Variants in GRM5 observed in about 807,000 individuals in gnomAD.
The protein encoded by GRM5 is metabotropic glutamate receptor 5.
Under a neutral mutation model 83.1 loss-of-function variants are expected in GRM5, and 19 were observed. That is an observed-to-expected ratio of 0.23 (90% CI 0.16 to 0.34). GRM5 has a LOEUF of 0.34. Ranked by LOEUF, GRM5 falls within the 10% of genes least tolerant of loss-of-function variation. The pLI, the probability that GRM5 is intolerant of heterozygous loss-of-function variation, is 1.00. For missense variants in GRM5, 1,160 were observed against 1,588.3 expected (o/e 0.73, Z 4.58); for synonymous variants, 675 against 633.6 (o/e 1.07, Z -0.98).
intron 2 of GRM5, among the ~76,000 whole-genome samples, chr11:88,988,708 A>C (rs988399695): frequency 3.3e-5 from 5 of 151,768 alleles, no homozygotes; most frequent in Admixed American, 6.6e-5. Context: ...CCAATACTCA[A>C]CATTCTTAAA....
At chr11:88,944,605 C>G (rs1178510120) in intron 2 of GRM5, among the ~76,000 whole-genome samples, 1 of 151,734 alleles carries the variant, frequency 6.6e-6, no homozygotes, top group East Asian at 1.9e-4. Context: ...TACATTAGAT[C>G]TCCAGATAAC....
chr11:88,887,394 C>A (rs1945061017), intron 2 of GRM5, among the ~76,000 whole-genome samples: 2 of 152,080 alleles, frequency 1.3e-5, no homozygotes, highest in South Asian at 4.1e-4. Flanking sequence ...AGGGCTTGCC[C>A]AACTATTATG....
Position 88,840,333 on chromosome 11 carries a change from CT to C in GRM5, c.911+9572del, listed in dbSNP as rs1944174580. On this transcript the variant is annotated intron_variant, in intron 3 of 9. Transcript: ENST00000305447. ...GTCAATTTGCTTTCTGTTACTACTTCTTCAACATCATCTTCCTCCTCATCTG... is the reference window on the plus strand; with the variant it reads ...GTCAATTTGCTTTCTGTTACTACTTCTCAACATCATCTTCCTCCTCATCTG... Among the ~76,000 whole-genome samples, 4 of 152,290 alleles carry C rather than the reference CT, an allele frequency of 2.6e-5. No homozygotes were observed. In the South Asian group the frequency reaches 8.3e-4, roughly 32 times the overall value.
intron 3 of GRM5, among the ~76,000 whole-genome samples, chr11:88,803,312 A>C (rs1276852457): frequency 6.6e-6 from 1 of 152,002 alleles, no homozygotes; most frequent in Non-Finnish European, 1.5e-5. Flanking sequence ...TAACCAAAAC[A>C]GCATGGTACT....
intron 2 of GRM5, among the ~76,000 whole-genome samples, chr11:88,990,511 A>G (rs536878141): frequency 0.024 from 3,620 of 151,590 alleles, 124 homozygotes; most frequent in African/African-American, 0.082. Flanking sequence ...AACTCATTTT[A>G]TGAGGCCAGC....
chr11:88,617,306 C>T (rs1938510189), intron 4 of GRM5, among the ~76,000 whole-genome samples: 1 of 152,146 alleles, frequency 6.6e-6, no homozygotes. Flanking sequence ...CTGGACAGAG[C>T]TGGAGAAGCT....
chr11:88,816,746 C>CAAAAAAAAAAAAA (rs34178436), intron 3 of GRM5, among the ~76,000 whole-genome samples: 1 of 122,428 alleles, frequency 8.2e-6, no homozygotes, highest in African/African-American at 3.2e-5. Flanking sequence ...CAGATTGGTC[C>CAAAAAAAAAAAAA]AAAAAAAAAA....
intron 3 of GRM5, among the ~76,000 whole-genome samples, chr11:88,710,497 A>T (rs967576925): frequency 1.3e-5 from 2 of 152,078 alleles, no homozygotes; most frequent in African/African-American, 4.8e-5. Context: ...TTTTTAAGCA[A>T]GTCACTTAAG....
chr11:88,714,878 C>A (rs761418534), intron 3 of GRM5, among the ~76,000 whole-genome samples: 1 of 151,860 alleles, frequency 6.6e-6, no homozygotes, highest in Non-Finnish European at 1.5e-5. Flanking sequence ...AAAATCAGAG[C>A]CTAGATACAG....
intron 3 of GRM5, among the ~76,000 whole-genome samples, chr11:88,845,604 T>C (rs1381564620): frequency 6.6e-6 from 1 of 151,932 alleles, no homozygotes; most frequent in Non-Finnish European, 1.5e-5. Context: ...CGGCTACTTT[T>C]TTGTATTTTT....
At position 88,513,574 on chromosome 11, in the gene GRM5, C is replaced by A. The variant is rs137968288; in HGVS notation, c.2727-4070G>T. ...CTGCCATGAAAATCACAAAATAATT[C>A]CTTCTTTATAACTCATATCTGTCTT... On this transcript the variant is annotated intron_variant, in intron 9 of 9. Coordinates refer to ENST00000305447, the MANE Select transcript of GRM5 (RefSeq NM_001143831.3). 5.9e-3 allele frequency among the ~76,000 whole-genome samples: 897 copies of A among 152,078 alleles called. 11 individuals are homozygous for A. Among genetic ancestry groups the A allele is most frequent in the African/African-American group, 0.02 (845 of 41,470 alleles).
chr11:88,561,780 T>G (rs1942760472), intron 8 of GRM5, among the ~76,000 whole-genome samples: 1 of 152,174 alleles, frequency 6.6e-6, no homozygotes, highest in African/African-American at 2.4e-5. Flanking sequence ...CTCATTTCCA[T>G]TTAAATAAAA....
intron 3 of GRM5, among the ~76,000 whole-genome samples, chr11:88,687,222 C>A (rs1465393928): frequency 6.6e-6 from 1 of 151,646 alleles, no homozygotes; most frequent in Non-Finnish European, 1.5e-5. Context: ...CGCCTGTAAT[C>A]CCAGCACTTT....
chr11:88,951,021 A>G (rs1463854567), intron 2 of GRM5, among the ~76,000 whole-genome samples: 3 of 152,206 alleles, frequency 2.0e-5, no homozygotes, highest in African/African-American at 7.2e-5. Context: ...TAGCAGAGAA[A>G]AATCAGTCTA....
intron 4 of GRM5, among the ~76,000 whole-genome samples, chr11:88,651,523 T>C (rs569199771): frequency 1.3e-5 from 2 of 152,164 alleles, no homozygotes; most frequent in African/African-American, 4.8e-5. Flanking sequence ...AAGAAATCTG[T>C]TGTCTTCAGA....
intron 2 of GRM5, among the ~76,000 whole-genome samples, chr11:88,948,579 G>A (rs533155533): frequency 6.6e-6 from 1 of 152,314 alleles, no homozygotes; most frequent in Admixed American, 6.5e-5. Flanking sequence ...AAGGGTTCAA[G>A]TTTGAGAATT....
rs1565183634 is a variant in GRM5, at chr11:88,680,078, AT to A, written c.912-26676del. ...CTGTGACATTCTCAACATCAAACTA[AT>A]TTTTTTAATTTTTGTTTATACTTTA... On this transcript the variant is annotated intron_variant, in intron 3 of 9. Coordinates refer to ENST00000305447, the MANE Select transcript of GRM5 (RefSeq NM_001143831.3). Among the ~76,000 whole-genome samples, 18 of 152,158 alleles carry A rather than the reference AT, an allele frequency of 1.2e-4. No homozygotes were observed. The South Asian group carries it at 3.3e-3, about 28-fold the overall frequency.
chr11:89,025,531 T>A (rs1941110937), intron 2 of GRM5, among the ~76,000 whole-genome samples: 1 of 152,158 alleles, frequency 6.6e-6, no homozygotes, highest in Non-Finnish European at 1.5e-5. Flanking sequence ...ACAAAATGCA[T>A]CAGATGGAAT....
chr11:88,757,239 C>G (rs61902962), intron 3 of GRM5, among the ~76,000 whole-genome samples: 2 of 152,168 alleles, frequency 1.3e-5, no homozygotes, highest in African/African-American at 2.4e-5. Context: ...GCAAGCTTCC[C>G]TCGGGACTGC....
Sources: gnomAD v4.1 joint callset for allele counts (sites outside exome capture counted in the v4.1 genomes callset) on GRCh38, gnomAD v4.1.1 for gene constraint, MANE v1.5 for transcripts, NCBI Gene and HGNC (gene_info 2026-07-23, HGNC 2026-07-21) for gene names.